The following RALGAPA2 variants were observed in gnomAD, a reference collection of about 807,000 sequenced individuals.
RALGAPA2 encodes ral GTPase-activating protein subunit alpha-2.
A neutral mutation model predicts 230.4 loss-of-function variants in RALGAPA2; 139 were observed. The ratio of observed to expected loss-of-function variants is 0.60; its 90% CI spans 0.53 to 0.69. RALGAPA2 has a LOEUF of 0.69. Ranked by LOEUF, RALGAPA2 falls within the 30% of genes least tolerant of loss-of-function variation. The pLI is 0.00. For synonymous variants in RALGAPA2, 847 were observed against 837.8 expected (o/e 1.01, Z -0.19); for missense variants, 2,163 against 2,276.0 (o/e 0.95, Z 1.01).
intron 1 of RALGAPA2, among the ~76,000 whole-genome samples, chr20:20,686,105 A>T (rs370513791): frequency 1.3e-5 from 2 of 152,212 alleles, no homozygotes; most frequent in African/African-American, 4.8e-5. Flanking sequence ...CCTCTTGTTG[A>T]TTAAGTATTT....
At chr20:20,704,496 C>T (rs1254242647) in intron 1 of RALGAPA2, among the ~76,000 whole-genome samples, 1 of 152,212 alleles carries the variant, frequency 6.6e-6, no homozygotes, top group Non-Finnish European at 1.5e-5. Flanking sequence ...CAAGAAGGTC[C>T]TGGCAAAGAC....
chr20:20,507,734 C>T (rs899245884), intron 33 of RALGAPA2, among the ~76,000 whole-genome samples: 4 of 152,140 alleles, frequency 2.6e-5, no homozygotes, highest in African/African-American at 9.7e-5. Context: ...AGTGCCACAC[C>T]ATTCACTGCC....
At chr20:20,656,321 T>G (rs1448426874) in intron 3 of RALGAPA2, among the ~76,000 whole-genome samples, 1 of 152,248 alleles carries the variant, frequency 6.6e-6, no homozygotes, top group Non-Finnish European at 1.5e-5. Flanking sequence ...AGTATTTATA[T>G]GCACAACTAG....
Position 20,531,678 on chromosome 20 carries a change from T to G in RALGAPA2, c.3582+9A>C, listed in dbSNP as rs1187650627. ...TTAATATCCAATCAGCACCACAAACTGGTAATACCTTCAGAGTTACTCCTA... is the reference window on the plus strand; with the variant it reads ...TTAATATCCAATCAGCACCACAAACGGGTAATACCTTCAGAGTTACTCCTA... On this transcript the variant is annotated intron_variant, in intron 27 of 39. Coordinates refer to ENST00000202677, the MANE Select transcript of RALGAPA2 (RefSeq NM_020343.4). 2 of 1,582,372 alleles carry G rather than the reference T, an allele frequency of 1.3e-6. No homozygotes were observed. Among genetic ancestry groups the G allele is most frequent in the Non-Finnish European group, 1.7e-6 (2 of 1,158,138 alleles).
intron 37 of RALGAPA2, among the ~76,000 whole-genome samples, chr20:20,426,963 A>AT (rs1242824448): frequency 2.0e-5 from 3 of 152,134 alleles, no homozygotes; most frequent in African/African-American, 7.2e-5. Context: ...TACTATCCTA[A>AT]TTTTTTTGTA....
At chr20:20,633,293 C>A (rs1398955896) in intron 9 of RALGAPA2, among the ~76,000 whole-genome samples, 1 of 152,064 alleles carries the variant, frequency 6.6e-6, no homozygotes, top group East Asian at 1.9e-4. Context: ...TACCACCACG[C>A]CCAGCTAATT....
intron 1 of RALGAPA2, among the ~76,000 whole-genome samples, chr20:20,700,685 A>C (rs1274866836): frequency 6.6e-6 from 1 of 152,174 alleles, no homozygotes; most frequent in Non-Finnish European, 1.5e-5. Flanking sequence ...ATCAAGGTTT[A>C]CGAACACCAA....
chr20:20,451,429 T>A (rs2060987014), intron 37 of RALGAPA2, among the ~76,000 whole-genome samples: 1 of 152,158 alleles, frequency 6.6e-6, no homozygotes, highest in Non-Finnish European at 1.5e-5. Context: ...CCCTCTTAGG[T>A]TGAAGTTCCT....
intron 37 of RALGAPA2, among the ~76,000 whole-genome samples, chr20:20,448,241 A>G (rs1187920390): frequency 1.3e-5 from 2 of 152,220 alleles, no homozygotes; most frequent in Non-Finnish European, 2.9e-5. Context: ...ATATTTCAAG[A>G]CAGAAAGAAT....
At chr20:20,686,583 G>A (rs761668666) in intron 1 of RALGAPA2, among the ~76,000 whole-genome samples, 29 of 151,824 alleles carry the variant, frequency 1.9e-4, no homozygotes, top group Non-Finnish European at 3.7e-4. Flanking sequence ...TCACACGGCT[G>A]CTGTGATGAT....
chr20:20,505,311 T>A, intron 34 of RALGAPA2, 100 bp downstream of exon 34: 1 of 1,299,290 alleles, frequency 7.7e-7, no homozygotes, highest in Non-Finnish European at 1.0e-6. Context: ...TATGCTATAT[T>A]TGAATGCAAA....
intron 4 of RALGAPA2, among the ~76,000 whole-genome samples, chr20:20,646,895 C>T (rs1424487875): frequency 4.1e-4 from 5 of 12,316 alleles, no homozygotes; most frequent in African/African-American, 1.4e-3. Context: ...TTTCTATGTA[C>T]TTTTAATTTT....
At chr20:20,589,841 T>G (rs371628103) in intron 17 of RALGAPA2, among the ~76,000 whole-genome samples, 1 of 150,490 alleles carries the variant, frequency 6.6e-6, no homozygotes, top group African/African-American at 2.4e-5. Context: ...CTAAAGCTGA[T>G]CATAAGAGGA....
intron 26 of RALGAPA2, among the ~76,000 whole-genome samples, chr20:20,533,040 A>T (rs2063407028): frequency 6.6e-6 from 1 of 151,968 alleles, no homozygotes; most frequent in Non-Finnish European, 1.5e-5. Flanking sequence ...AAATCCAAAA[A>T]AAAAAGAAGA....
intron 8 of RALGAPA2, 98 bp from the exon 9 acceptor site, chr20:20,635,715 G>A (rs2066836025): frequency 1.8e-6 from 2 of 1,128,032 alleles, no homozygotes. Flanking sequence ...CCAATTTTTG[G>A]TTGTCTAAAT....
intron 26 of RALGAPA2, among the ~76,000 whole-genome samples, chr20:20,533,187 C>T (rs1365767209): frequency 6.6e-6 from 1 of 151,586 alleles, no homozygotes; most frequent in East Asian, 1.9e-4. Flanking sequence ...GAAGTACATC[C>T]AAACAGATCA....
chr20:20,558,398 A>G (rs751274035), intron 23 of RALGAPA2, among the ~76,000 whole-genome samples: 3 of 152,254 alleles, frequency 2.0e-5, no homozygotes, highest in Non-Finnish European at 4.4e-5. Context: ...TAAAAATGCA[A>G]ATAACACCTT....
At chr20:20,698,502 GC>G (rs2069213439) in intron 1 of RALGAPA2, among the ~76,000 whole-genome samples, 1 of 152,120 alleles carries the variant, frequency 6.6e-6, no homozygotes, top group African/African-American at 2.4e-5. Context: ...TGATTCTCCT[GC>G]CTCAGCCTCC....
At chr20:20,441,698 A>C (rs554443267) in intron 37 of RALGAPA2, among the ~76,000 whole-genome samples, 1 of 152,342 alleles carries the variant, frequency 6.6e-6, no homozygotes, top group Admixed American at 6.5e-5. Context: ...GAAAGCTTTA[A>C]GTGGAAGAAA....
Sources: gnomAD v4.1 joint callset for allele counts (sites outside exome capture counted in the v4.1 genomes callset) on GRCh38, gnomAD v4.1.1 for gene constraint, MANE v1.5 for transcripts, NCBI Gene and HGNC (gene_info 2026-07-23, HGNC 2026-07-21) for gene names.